ANKS1B: variants seen among roughly 807,000 people sequenced by gnomAD.
The protein encoded by ANKS1B is ankyrin repeat and sterile alpha motif domain containing 1B, also known as ankyrin repeat and sterile alpha motif domain-containing protein 1B.
ANKS1B carries 36 observed loss-of-function variants against 148.3 expected under a neutral mutation model. The observed-to-expected ratio is 0.24, with a 90% CI of 0.19 to 0.32. The LOEUF is 0.32. ANKS1B is among the 10% of genes least tolerant of loss of function. The probability of loss-of-function intolerance (pLI) is 1.00; values close to 1 mark genes in which losing one functional copy is unlikely to be tolerated. For synonymous variants in ANKS1B, 542 were observed against 560.8 expected, an observed-to-expected ratio of 0.97 and a Z score of 0.47; for missense variants, 1,157 against 1,542.6, an observed-to-expected ratio of 0.75 and a Z score of 4.19.
At chr12:99,923,683 A>G (rs992313691) in intron 1 of ANKS1B, among the ~76,000 whole-genome samples, 1 of 152,174 alleles carries the variant, frequency 6.6e-6, no homozygotes, top group African/African-American at 2.4e-5. Flanking sequence ...TGGTGCCTTG[A>G]GTTTTTTCCT....
chr12:98,757,784 T>C lies in ANKS1B; in HGVS notation c.3580-6262A>G, dbSNP rs74436013. Among the ~76,000 whole-genome samples, 57 of 152,374 alleles carry C rather than the reference T, an allele frequency of 3.7e-4. No individual in the cohort carries two copies. The East Asian group carries it at 0.01, about 27-fold the overall frequency. On this transcript the variant is annotated intron_variant, in intron 25 of 26. Transcript: ENST00000683438. ...CTGGCCTGTCTCCGACCTTGGCTCTTCCTGTCTCATATAAGCTCATTGGAA... is the reference window on the plus strand; with the variant it reads ...CTGGCCTGTCTCCGACCTTGGCTCTCCCTGTCTCATATAAGCTCATTGGAA...
At chr12:99,509,807 G>A (rs1006504375) in intron 9 of ANKS1B, among the ~76,000 whole-genome samples, 2 of 151,930 alleles carry the variant, frequency 1.3e-5, no homozygotes, top group African/African-American at 4.8e-5. Context: ...TGTCATTTAG[G>A]ACTTTCACAG....
rs192655352 is a variant in ANKS1B at position 98,948,987 on chromosome 12, C to G, written c.2778+104170G>C. Among the ~76,000 whole-genome samples, 785 of 98,140 alleles carry G rather than the reference C, an allele frequency of 8.0e-3. 11 individuals are homozygous for G. Among genetic ancestry groups the G allele is most frequent in the African/African-American group, 0.039 (749 of 19,320 alleles). 64.4% of individuals were successfully genotyped at this position (98,140 alleles called of 152,430 possible). A position where few individuals can be genotyped will look rare whatever the true frequency, so the allele number is the denominator to read the frequency against. On this transcript the variant is annotated intron_variant, in intron 17 of 26. Transcript: ENST00000683438. ...TTTTTTTTTGAGATGGAGTCTTGCT[C>G]TGTCGCCCAGGCTGGAGTGCAGTGG...
chr12:99,136,192 G>A (rs1315972508), intron 15 of ANKS1B, among the ~76,000 whole-genome samples: 6 of 152,096 alleles, frequency 3.9e-5, no homozygotes, highest in African/African-American at 2.4e-5. Context: ...ATTATCATGG[G>A]TGCCCTGCCT....
chr12:98,826,574 G>A (rs954095706), intron 19 of ANKS1B, among the ~76,000 whole-genome samples: 1 of 151,950 alleles, frequency 6.6e-6, no homozygotes, highest in African/African-American at 2.4e-5. Flanking sequence ...AGCTAAACTT[G>A]AAGTAGAGGG....
At chr12:99,842,058 A>C (rs2085832609) in intron 1 of ANKS1B, among the ~76,000 whole-genome samples, 1 of 152,072 alleles carries the variant, frequency 6.6e-6, no homozygotes, top group Non-Finnish European at 1.5e-5. Flanking sequence ...TCACTCATTT[A>C]ATTTTATTCT....
chr12:99,496,429 A>G (rs2096605235), intron 10 of ANKS1B, among the ~76,000 whole-genome samples: 1 of 152,234 alleles, frequency 6.6e-6, no homozygotes, highest in African/African-American at 2.4e-5. Flanking sequence ...TAATTAAACA[A>G]GGTCTTTAGC....
chr12:99,685,990 G>T (rs1415191147), intron 8 of ANKS1B, among the ~76,000 whole-genome samples: 1 of 151,920 alleles, frequency 6.6e-6, no homozygotes, highest in Non-Finnish European at 1.5e-5. Context: ...GTAAGGGGTG[G>T]GGATTGAAAG....
At chr12:98,798,784 C>T (rs1200976325) in intron 22 of ANKS1B, 150 bp downstream of exon 22, 6 of 534,968 alleles carry the variant, frequency 1.1e-5, no homozygotes, top group African/African-American at 5.8e-5. Context: ...CATAAACATG[C>T]AGAAAGCAAG....
chr12:99,920,993 C>T (rs1275759483), intron 1 of ANKS1B, among the ~76,000 whole-genome samples: 4 of 152,286 alleles, frequency 2.6e-5, no homozygotes, highest in Admixed American at 1.3e-4. Context: ...AAGTTTGACA[C>T]ATAAAATTAG....
chr12:99,024,595 G>A (rs2153447533), intron 17 of ANKS1B, among the ~76,000 whole-genome samples: 1 of 152,192 alleles, frequency 6.6e-6, no homozygotes, highest in South Asian at 2.1e-4. Flanking sequence ...CTGAATTTGG[G>A]ATAGTTTCAT....
intron 17 of ANKS1B, among the ~76,000 whole-genome samples, chr12:98,865,587 G>A (rs541513965): frequency 5.3e-5 from 8 of 152,284 alleles, no homozygotes; most frequent in Admixed American, 4.6e-4. Context: ...ATATTAGAAA[G>A]TGAATAAACG....
chr12:99,910,115 G>A (rs1319524608), intron 1 of ANKS1B, among the ~76,000 whole-genome samples: 1 of 152,134 alleles, frequency 6.6e-6, no homozygotes, highest in African/African-American at 2.4e-5. Context: ...GCTCACGCCT[G>A]TAATCCCAGC....
intron 12 of ANKS1B, among the ~76,000 whole-genome samples, chr12:99,321,718 T>C (rs962787639): frequency 3.3e-5 from 5 of 152,200 alleles, no homozygotes; most frequent in African/African-American, 1.2e-4. Flanking sequence ...CCCACTGAGA[T>C]GAACCCAGTG....
chr12:99,426,066 G>T (rs1240285285), intron 11 of ANKS1B, among the ~76,000 whole-genome samples: 1 of 152,106 alleles, frequency 6.6e-6, no homozygotes, highest in East Asian at 1.9e-4. Context: ...TGACTGCTGA[G>T]CTAATCATTT....
chr12:98,755,663 C>A (rs1309385518), intron 25 of ANKS1B, among the ~76,000 whole-genome samples: 1 of 152,212 alleles, frequency 6.6e-6, no homozygotes, highest in African/African-American at 2.4e-5. Flanking sequence ...AAATCACATG[C>A]AGTAGCATAT....
intron 12 of ANKS1B, among the ~76,000 whole-genome samples, chr12:99,281,602 AC>A (rs2078465689): frequency 6.6e-6 from 1 of 152,212 alleles, no homozygotes; most frequent in Non-Finnish European, 1.5e-5. Context: ...GCACCAGCAT[AC>A]TTTTATTATT....
At chr12:99,966,328 G>A (rs374505801) in intron 1 of ANKS1B, among the ~76,000 whole-genome samples, 9 of 151,632 alleles carry the variant, frequency 5.9e-5, no homozygotes, top group East Asian at 1.9e-4. Flanking sequence ...CAAATGGTTC[G>A]GGGAAAAAAA....
chr12:99,445,764 C>G (rs1191297965), intron 10 of ANKS1B, among the ~76,000 whole-genome samples: 3 of 151,944 alleles, frequency 2.0e-5, no homozygotes. Flanking sequence ...TACCATCACC[C>G]AGGCTGGAGT....
Sources: gnomAD v4.1 joint callset for allele counts (sites outside exome capture counted in the v4.1 genomes callset) on GRCh38, gnomAD v4.1.1 for gene constraint, MANE v1.5 for transcripts, NCBI Gene and HGNC (gene_info 2026-07-23, HGNC 2026-07-21) for gene names.